The following TGFBI variants were observed in gnomAD, a reference collection of about 807,000 sequenced individuals.
TGFBI encodes the protein transforming growth factor-beta-induced protein ig-h3.
In TGFBI, 50 loss-of-function variants were observed where a neutral mutation model predicts 73.7. The ratio of observed to expected loss-of-function variants is 0.68; its 90% CI spans 0.54 to 0.86. The LOEUF is 0.86. TGFBI is among the 40% of genes least tolerant of loss of function. The probability of loss-of-function intolerance (pLI) is 0.00; values close to 1 mark genes in which losing one functional copy is unlikely to be tolerated. For synonymous variants in TGFBI, 362 were observed against 360.5 expected, an observed-to-expected ratio of 1.00 and a Z score of -0.05; for missense variants, 839 against 877.0, an observed-to-expected ratio of 0.96 and a Z score of 0.55.
chr5:136,063,345 G>T lies in TGFBI; in HGVS notation c.*119G>T. 1 of 876,588 alleles carries T rather than the reference G, an allele frequency of 1.1e-6. No homozygotes were observed. Among genetic ancestry groups the T allele is most frequent in the Non-Finnish European group, 1.8e-6 (1 of 541,132 alleles). 54.3% of individuals were successfully genotyped at this position (876,588 alleles called of 1,614,324 possible). A position where few individuals can be genotyped will look rare whatever the true frequency, so the allele number is the denominator to read the frequency against. On this transcript the variant is annotated 3_prime_UTR_variant, in exon 17 of 17. Coordinates refer to ENST00000442011, the MANE Select transcript of TGFBI (RefSeq NM_000358.3). ...TATCACACTTTAATGTACATGGGCC[G>T]CACCATAATGAGATGTGAGCCTTGT...
chr5:136,046,729 T>C, intron 4 of TGFBI, 122 bp from the exon 5 acceptor site: 1 of 1,349,752 alleles, frequency 7.4e-7, no homozygotes, highest in African/African-American at 1.5e-5. Flanking sequence ...TGAGGAGGGA[T>C]CCTTGGCAGA....
intron 2 of TGFBI, among the ~76,000 whole-genome samples, chr5:136,040,461 G>T (rs539902657): frequency 6.6e-6 from 1 of 152,208 alleles, no homozygotes; most frequent in African/African-American, 2.4e-5. Flanking sequence ...AACTGTGCGT[G>T]TAAGGGATCT....
rs565916613 is a variant in TGFBI at position 136,057,207 on chromosome 5, T to C, written c.1678+412T>C. ...GCGAGAGCAGGAGGGAGCCCACTGA[T>C]GCAGTTCATAGAGCTCAGCCTCCTG... On this transcript the variant is annotated intron_variant, in intron 12 of 16. Coordinates refer to ENST00000442011, the MANE Select transcript of TGFBI (RefSeq NM_000358.3). 6.6e-5 allele frequency among the ~76,000 whole-genome samples: 10 copies of C among 152,244 alleles called. No individual in the cohort carries two copies. The East Asian group carries it at 1.7e-3, about 26-fold the overall frequency.
At chr5:136,035,782 C>A (rs1751209853) in intron 2 of TGFBI, among the ~76,000 whole-genome samples, 1 of 152,088 alleles carries the variant, frequency 6.6e-6, no homozygotes, top group African/African-American at 2.4e-5. Context: ...AGTGCTAGTG[C>A]CAAGCAAACA....
chr5:136,039,855 G>C (rs1751298397), intron 2 of TGFBI, among the ~76,000 whole-genome samples: 1 of 152,204 alleles, frequency 6.6e-6, no homozygotes, highest in African/African-American at 2.4e-5. Flanking sequence ...TCCAAGACCA[G>C]GAGGGCAGAA....
intron 3 of TGFBI, 161 bp from the exon 4 acceptor site, chr5:136,046,174 C>A: frequency 1.4e-6 from 1 of 711,650 alleles, no homozygotes; most frequent in Non-Finnish European, 2.3e-6. Context: ...AAGACTATAA[C>A]AAGCCTTAAG....
Position 136,049,492 on chromosome 5 carries a change from C to A in TGFBI, c.825C>A (p.Tyr275Ter). Residue 275 changes from tyrosine (Y) to a stop codon, truncating the protein, a stop_gained, in exon 7 of 17, where the codon TAC becomes TAA. Transcript: ENST00000442011. LOFTEE classifies it high-confidence loss of function. ...CGATGCTTGAAGGTAACGGCCAGTA[C>A]ACGCTTTTGGCCCCGACCAATGAGG... The part of the protein sequence containing the change: ...LNTMLEGNGQ[Y>*]TLLAPTNEAF... 6.2e-7 allele frequency: 1 copy of A among 1,614,026 alleles called. No individual in the cohort carries two copies. The highest frequency in any genetic ancestry group is 8.5e-7 in the Non-Finnish European group (1 of 1,179,890).
At chr5:136,047,461 A>G (rs1403044246) in intron 6 of TGFBI, 41 bp downstream of exon 6, 3 of 1,611,262 alleles carry the variant, frequency 1.9e-6, no homozygotes, top group South Asian at 1.1e-5. Context: ...CTTGGGACAC[A>G]TTGCCTCCCA....
intron 2 of TGFBI, among the ~76,000 whole-genome samples, chr5:136,038,338 C>T (rs1751267153): frequency 6.6e-6 from 1 of 152,192 alleles, no homozygotes; most frequent in African/African-American, 2.4e-5. Context: ...AGAGACTTTG[C>T]AGGTGTGATT....
rs45492391 is a variant in TGFBI, at chr5:136,043,982, T to C, written c.234-76T>C. The stretch of plus-strand genomic sequence containing the variant: ...CTCTTCCTTGGCTGTGGAGGCAACT[T>C]AGTGGAGAGGGGCCAGATGACCTGT... On this transcript the variant is annotated intron_variant, in intron 2 of 16. Coordinates refer to ENST00000442011, the MANE Select transcript of TGFBI (RefSeq NM_000358.3). 564 of 1,274,050 alleles carry C rather than the reference T, an allele frequency of 4.4e-4. 1 individual carries two copies. The African/African-American group carries it at 7.0e-3, about 16-fold the overall frequency. 78.9% of individuals were successfully genotyped at this position (1,274,050 alleles called of 1,614,324 possible).
chr5:136,041,383 A>C (rs1020352138), intron 2 of TGFBI, among the ~76,000 whole-genome samples: 1 of 152,230 alleles, frequency 6.6e-6, no homozygotes, highest in African/African-American at 2.4e-5. Flanking sequence ...TAGTCCAGCC[A>C]CTGTGGGACA....
At chr5:136,043,975 G>T in intron 2 of TGFBI, 83 bp from the exon 3 acceptor site, 1 of 1,175,464 alleles carries the variant, frequency 8.5e-7, no homozygotes, top group Non-Finnish European at 1.3e-6. Flanking sequence ...TGGCTGTGGA[G>T]GCAACTTAGT....
intron 9 of TGFBI, 108 bp downstream of exon 9, chr5:136,054,188 C>A: frequency 7.0e-7 from 1 of 1,437,852 alleles, no homozygotes; most frequent in South Asian, 1.4e-5. Context: ...GACATTAGAA[C>A]TTCCACTCAG....
At chr5:136,033,962 G>A in intron 2 of TGFBI, 101 bp downstream of exon 2, 1 of 999,088 alleles carries the variant, frequency 1.0e-6, no homozygotes, top group Non-Finnish European at 1.6e-6. Context: ...TGCCTAAAAA[G>A]CCATGAAGAT....
rs527678395 is a variant in TGFBI at position 136,041,754 on chromosome 5, C to T, written c.234-2304C>T. ...CCATTTCTCCTGGTGTCTTTCTTTA[C>T]ACACCCCTCAGCATACACACACACC... is the stretch of plus-strand genomic sequence containing the variant. On this transcript the variant is annotated intron_variant, in intron 2 of 16. Transcript: ENST00000442011. Among the ~76,000 whole-genome samples the T allele has an allele frequency of 1.8e-4, 28 of 152,272 alleles. 1 individual carries two copies. The South Asian group carries it at 4.1e-3, about 23-fold the overall frequency.
chr5:136,029,069 T>C lies in TGFBI; in HGVS notation c.14T>C (p.Val5Ala), dbSNP rs918200359. Residue 5 changes from valine to alanine, a missense_variant, in exon 1 of 17, where the codon GTG becomes GCG. Val to Ala is a moderately conservative substitution (Grantham distance 64, BLOSUM62 0). Transcript: ENST00000442011. ...TCGTCCCGCTCCATGGCGCTCTTCG[T>C]GCGGCTGCTGGCTCTCGCCCTGGCT... MALF[V>A]RLLALALALA... is the part of the protein sequence containing the mutation. The C allele has an allele frequency of 3.9e-5, 60 of 1,527,680 alleles. No homozygotes were observed. Among genetic ancestry groups the C allele is most frequent in the Non-Finnish European group, 5.1e-5 (58 of 1,144,282 alleles). The allele number at this position is 1,527,680 out of a possible 1,614,324, so 94.6% of individuals were successfully genotyped here.
At position 136,054,042 on chromosome 5, in the gene TGFBI, G is replaced by A. The variant is rs770539339; in HGVS notation, c.1226G>A (p.Arg409Gln). The A allele has an allele frequency of 3.7e-5, 60 of 1,613,816 alleles. No individual in the cohort carries two copies. Among genetic ancestry groups the A allele is most frequent in the Non-Finnish European group, 4.7e-5 (55 of 1,179,866 alleles). ...GLGNHLSGSE[R>Q]LTLLAPLNSV... ...GGCAATCATCTCTCTGGAAGTGAGC[G>A]GTTGACCCTCCTGGCTCCCCTGAAT... The change falls in exon 9 of 17, where the codon CGG (arginine) becomes CAG (glutamine). Residue 409 changes from arginine (R) to glutamine (Q), a missense_variant. By Grantham distance (43) the Arg-to-Gln change is conservative. Coordinates refer to ENST00000442011, the MANE Select transcript of TGFBI (RefSeq NM_000358.3).
chr5:136,034,262 C>T (rs934745145), intron 2 of TGFBI, among the ~76,000 whole-genome samples: 5 of 152,026 alleles, frequency 3.3e-5, no homozygotes, highest in African/African-American at 1.2e-4. Context: ...TCTTACAGTC[C>T]TAAGGTAAAC....
Position 136,055,706 on chromosome 5 carries a change from C to T in TGFBI, c.1437C>T (p.Ile479=), listed in dbSNP as rs776535345. The T allele has an allele frequency of 9.3e-6, 15 of 1,609,550 alleles. No homozygotes were observed. Among genetic ancestry groups the T allele is most frequent in the East Asian group, 2.2e-5 (1 of 44,756 alleles). ...RNSLCIENSC[I]AAHDKRGRYG... is the part of the protein sequence containing the mutation. ...GCCTCTGCATTGAGAACAGCTGCAT[C>T]GCGGCCCACGACAAGAGGGGGAGGT... The change falls in exon 11 of 17, where the codon ATC becomes ATT. Residue 479 remains isoleucine, a synonymous_variant. Transcript: ENST00000442011.
Sources: gnomAD v4.1 joint callset for allele counts (sites outside exome capture counted in the v4.1 genomes callset) on GRCh38, gnomAD v4.1.1 for gene constraint, MANE v1.5 for transcripts, NCBI Gene and HGNC (gene_info 2026-07-23, HGNC 2026-07-21) for gene names.